The following PSD3 variants were observed in gnomAD, a reference collection of about 807,000 sequenced individuals.
PSD3 encodes the protein PH and SEC7 domain-containing protein 3.
PSD3 carries 49 observed loss-of-function variants against 105.5 expected under a neutral mutation model. The ratio of observed to expected loss-of-function variants is 0.46; its 90% CI spans 0.37 to 0.59. The LOEUF is 0.59. Ranked by LOEUF, PSD3 falls within the 20% of genes least tolerant of loss-of-function variation. The probability of loss-of-function intolerance (pLI) is 0.00; values close to 1 mark genes in which losing one functional copy is unlikely to be tolerated. For synonymous variants in PSD3, 557 were observed against 457.8 expected (o/e 1.22, Z -2.77); for missense variants, 1,561 against 1,263.8 (o/e 1.24, Z -3.57).
At chr8:19,076,290 G>A (rs1829461403) in intron 1 of PSD3, among the ~76,000 whole-genome samples, 1 of 152,174 alleles carries the variant, frequency 6.6e-6, no homozygotes, top group Non-Finnish European at 1.5e-5. Context: ...GAGTAGAGCT[G>A]GATCTACTTG....
chr8:19,000,431 C>T (rs1826312386), intron 1 of PSD3, among the ~76,000 whole-genome samples: 11 of 149,636 alleles, frequency 7.4e-5, no homozygotes, highest in Admixed American at 7.3e-4. Flanking sequence ...AAACCTGATA[C>T]AATCAAAAGA....
upstream of PSD3, chr8:19,014,495 G>A (rs186334668): frequency 6.6e-6 from 1 of 152,294 alleles, no homozygotes; most frequent in Non-Finnish European, 1.5e-5. This position sits in a 1 kb window ranked among gnomAD's most constrained non-coding sequence, Gnocchi z 4.9. Flanking sequence ...AGAGGCAAGG[G>A]CTGGAACGGC....
At chr8:18,764,071 A>T (rs1213015573) in intron 9 of PSD3, among the ~76,000 whole-genome samples, 1 of 152,140 alleles carries the variant, frequency 6.6e-6, no homozygotes, top group Non-Finnish European at 1.5e-5. Flanking sequence ...TCCGCCAAAC[A>T]TGCTCTAAAT....
chr8:18,688,247 C>T (rs773049432), intron 9 of PSD3, among the ~76,000 whole-genome samples: 5 of 143,708 alleles, frequency 3.5e-5, no homozygotes, highest in Non-Finnish European at 4.4e-5. Context: ...GGCACGATCA[C>T]GTCAGGCTGT....
At chr8:18,963,289 C>A (rs1824035276) in intron 1 of PSD3, among the ~76,000 whole-genome samples, 1 of 152,080 alleles carries the variant, frequency 6.6e-6, no homozygotes, top group Admixed American at 6.5e-5. Flanking sequence ...GGACACAGAG[C>A]CAAACCATAT....
chr8:18,795,339 C>G (rs1488512826), intron 8 of PSD3, among the ~76,000 whole-genome samples: 1 of 152,194 alleles, frequency 6.6e-6, no homozygotes, highest in East Asian at 1.9e-4. Context: ...AGAGAGCTAC[C>G]TCTAAGAACC....
At chr8:18,806,479 C>G (rs1377076058) in intron 4 of PSD3, among the ~76,000 whole-genome samples, 1 of 152,212 alleles carries the variant, frequency 6.6e-6, no homozygotes, top group East Asian at 1.9e-4. Context: ...ATTTCCAAAT[C>G]TTTATCTTAA....
chr8:19,053,422 T>C (rs1355963859), intron 1 of PSD3, among the ~76,000 whole-genome samples: 4 of 152,304 alleles, frequency 2.6e-5, no homozygotes, highest in Non-Finnish European at 4.4e-5. Flanking sequence ...TAGAGAAAGC[T>C]TCATTTCTTA....
At chr8:18,836,114 C>T (rs536885692) in intron 4 of PSD3, among the ~76,000 whole-genome samples, 4 of 152,186 alleles carry the variant, frequency 2.6e-5, no homozygotes, top group Non-Finnish European at 5.9e-5. Flanking sequence ...ATGCTGAATA[C>T]TGGAGACCTA....
upstream of PSD3, among the ~76,000 whole-genome samples, chr8:19,013,864 C>A: frequency 7.2e-6 from 1 of 139,152 alleles, no homozygotes; most frequent in East Asian, 2.1e-4. Flanking sequence ...GAGGCGGGGC[C>A]GACGCCTCGG....
intron 1 of PSD3, among the ~76,000 whole-genome samples, chr8:19,032,593 T>A (rs1166118660): frequency 2.1e-5 from 3 of 144,874 alleles, no homozygotes; most frequent in African/African-American, 7.8e-5. Flanking sequence ...AAGGCTGCAA[T>A]GAACTGAGAT....
At chr8:18,812,912 G>C (rs1217860193) in intron 4 of PSD3, among the ~76,000 whole-genome samples, 1 of 152,068 alleles carries the variant, frequency 6.6e-6, no homozygotes, top group Non-Finnish European at 1.5e-5. Context: ...AGTCACTATA[G>C]GTCTAAAGAG....
chr8:18,747,453 G>C (rs1321352926), intron 9 of PSD3, among the ~76,000 whole-genome samples: 2 of 152,190 alleles, frequency 1.3e-5, no homozygotes, highest in Non-Finnish European at 2.9e-5. Flanking sequence ...TATTCTCAAA[G>C]TCAGATGCAT....
At chr8:18,564,556 G>C in intron 14 of PSD3, among the ~76,000 whole-genome samples, 1 of 151,914 alleles carries the variant, frequency 6.6e-6, no homozygotes, top group African/African-American at 2.4e-5. Flanking sequence ...TTGAACCTGG[G>C]AGGTGGAGGT....
intron 1 of PSD3, among the ~76,000 whole-genome samples, chr8:18,958,575 T>G (rs1005973634): frequency 6.6e-6 from 1 of 152,180 alleles, no homozygotes; most frequent in Non-Finnish European, 1.5e-5. Flanking sequence ...TTAGCAAAGT[T>G]AATTCAACAT....
intron 2 of PSD3, among the ~76,000 whole-genome samples, chr8:18,895,970 C>T (rs959225099): frequency 2.6e-5 from 4 of 152,198 alleles, no homozygotes; most frequent in African/African-American, 7.2e-5. Context: ...ACTCCCCTTC[C>T]CCTCCACACT....
intron 9 of PSD3, among the ~76,000 whole-genome samples, chr8:18,690,472 T>C (rs1426499555): frequency 1.3e-5 from 2 of 152,210 alleles, no homozygotes; most frequent in Non-Finnish European, 2.9e-5. Context: ...TTCCAGCTAA[T>C]ACTTTTCTAG....
intron 9 of PSD3, among the ~76,000 whole-genome samples, chr8:18,706,583 T>A (rs1273144139): frequency 6.6e-6 from 1 of 152,190 alleles, no homozygotes; most frequent in Non-Finnish European, 1.5e-5. Context: ...CCATGCACAA[T>A]CCAGGGGAGA....
chr8:18,752,646 TATATA>T lies in PSD3; in HGVS notation c.2172+12798_2172+12802del, dbSNP rs1389202696. Among the ~76,000 whole-genome samples, 300 of 92,292 alleles carry T rather than the reference TATATA, an allele frequency of 3.3e-3. 13 individuals carry two copies. The highest frequency in any genetic ancestry group is 0.027 in the Admixed American group (164 of 6,142). 60.5% of individuals were successfully genotyped at this position (92,292 alleles called of 152,430 possible). On this transcript the variant is annotated intron_variant, in intron 9 of 15. Transcript: ENST00000327040. ...TATATTATATATAATATATATAATATATATAATATATTATATTTGATATATATCAA... is the reference window on the plus strand; with the variant it reads ...TATATTATATATAATATATATAATATATATATTATATTTGATATATATCAA...
Sources: gnomAD v4.1 joint callset for allele counts (sites outside exome capture counted in the v4.1 genomes callset) on GRCh38, gnomAD v4.1.1 for gene constraint, Gnocchi (gnomAD v3.1) non-coding constraint, MANE v1.5 for transcripts, NCBI Gene and HGNC (gene_info 2026-07-23, HGNC 2026-07-21) for gene names.